The following BMPR1A variants were observed in gnomAD, a reference collection of about 807,000 sequenced individuals.
The protein encoded by BMPR1A is bone morphogenetic protein receptor type 1A.
BMPR1A carries 7 observed loss-of-function variants against 66.0 expected under a neutral mutation model. The ratio of observed to expected loss-of-function variants is 0.11; its 90% CI spans 0.06 to 0.20. The LOEUF is 0.20. Among genes scored for constraint, BMPR1A ranks in the 10% least tolerant of loss-of-function variants. The pLI is 1.00. For synonymous variants in BMPR1A, 200 were observed against 229.7 expected (o/e 0.87, Z 1.17); for missense variants, 408 against 669.1 (o/e 0.61, Z 4.31).
At chr10:86,843,556 C>G (rs1842450222) in intron 2 of BMPR1A, 1 of 152,162 alleles carries the variant, frequency 6.6e-6, no homozygotes, top group Non-Finnish European at 1.5e-5. Flanking sequence ...CATTGCCATG[C>G]AAAAGTGAGG....
chr10:86,888,146 A>G (rs1246734822), intron 3 of BMPR1A, among the ~76,000 whole-genome samples: 2 of 142,700 alleles, frequency 1.4e-5, no homozygotes, highest in Non-Finnish European at 3.0e-5. Context: ...ACAAACTTCC[A>G]GCTTTTTTTT....
rs140895776 is a variant in BMPR1A, at chr10:86,797,859, A to G, written c.-268+40940A>G. 1.2e-3 allele frequency among the ~76,000 whole-genome samples: 183 copies of G among 152,158 alleles called. 1 individual carries two copies. The highest frequency in any genetic ancestry group is 4.3e-3 in the African/African-American group (177 of 41,542). On this transcript the variant is annotated intron_variant, in intron 1 of 12. Coordinates refer to ENST00000372037, the MANE Select transcript of BMPR1A (RefSeq NM_004329.3). The stretch of plus-strand genomic sequence containing the variant: ...GGAAGATGTTTGAAAGTGACTAGTG[A>G]GAATTGGGTTGGTTGCTGTAGGATA...
chr10:86,872,606 CTAT>C (rs1389184785), intron 2 of BMPR1A, among the ~76,000 whole-genome samples: 2 of 151,734 alleles, frequency 1.3e-5, no homozygotes, highest in Non-Finnish European at 2.9e-5. Context: ...TATGTGTTAG[CTAT>C]TATTTTATAT....
At chr10:86,907,323 AAAAG>A (rs2133507601) in intron 7 of BMPR1A, among the ~76,000 whole-genome samples, 1 of 152,370 alleles carries the variant, frequency 6.6e-6, no homozygotes, top group Admixed American at 6.5e-5. Flanking sequence ...GCCATTATCA[AAAAG>A]AAAACAAATG....
At chr10:86,831,609 A>C (rs1303255099) in intron 1 of BMPR1A, among the ~76,000 whole-genome samples, 3 of 152,212 alleles carry the variant, frequency 2.0e-5, no homozygotes, top group East Asian at 1.9e-4. Context: ...ACAAACAAAC[A>C]AAAAATTATC....
intron 1 of BMPR1A, among the ~76,000 whole-genome samples, chr10:86,785,257 G>T (rs1841498941): frequency 6.6e-6 from 1 of 152,198 alleles, no homozygotes; most frequent in South Asian, 2.1e-4. Context: ...AATGTTGCAT[G>T]TGTACTTGAG....
At position 86,921,568 on chromosome 10, in the gene BMPR1A, A is replaced by C. The variant is rs587781522; in HGVS notation, c.1215A>C (p.Lys405Asn). 10 of 1,614,014 alleles carry C rather than the reference A, an allele frequency of 6.2e-6. No individual in the cohort carries two copies. The highest frequency in any genetic ancestry group is 8.5e-6 in the Non-Finnish European group (10 of 1,180,020). Residue 405 changes from lysine to asparagine, a missense_variant, in exon 11 of 13, where the codon AAA (lysine) becomes AAC (asparagine). Around this residue, in one of 5 missense-constraint regions of BMPR1A, gnomAD observed 130 missense variants for 257.3 expected, o/e 0.51. Transcript: ENST00000372037. ...CCTTGAATACCAGGGTGGGCACCAA[A>C]CGCTACATGGCTCCCGAAGTGCTGG... The part of the protein sequence containing the change: ...DVPLNTRVGT[K>N]RYMAPEVLDE...
intron 5 of BMPR1A, among the ~76,000 whole-genome samples, chr10:86,897,223 T>G (rs1196626820): frequency 6.6e-6 from 1 of 152,252 alleles, no homozygotes; most frequent in Non-Finnish European, 1.5e-5. Flanking sequence ...CAGTGCCAAG[T>G]AAATTTGTTT....
rs553542695 is a variant in BMPR1A, at chr10:86,827,881, C to T, written c.-267-10984C>T. On this transcript the variant is annotated intron_variant, in intron 1 of 12. Coordinates refer to ENST00000372037, the MANE Select transcript of BMPR1A (RefSeq NM_004329.3). The stretch of plus-strand genomic sequence containing the variant: ...AAAGAAAAAAGTTGCAGGCCGGGCA[C>T]GGTGGTTTACACCTATAATCCCAGC... 1.5e-4 allele frequency among the ~76,000 whole-genome samples: 23 copies of T among 152,280 alleles called. No individual in the cohort carries two copies. The South Asian group carries it at 2.9e-3, about 19-fold the overall frequency.
intron 8 of BMPR1A, 63 bp downstream of exon 8, chr10:86,912,447 T>C: frequency 1.9e-6 from 3 of 1,561,392 alleles, no homozygotes; most frequent in South Asian, 2.2e-5. Context: ...CTCATGATGG[T>C]GGACAGTATA....
intron 1 of BMPR1A, among the ~76,000 whole-genome samples, chr10:86,828,684 T>G (rs925672413): frequency 3.3e-5 from 5 of 152,130 alleles, no homozygotes; most frequent in Admixed American, 3.3e-4. Flanking sequence ...AATTTAACTG[T>G]TTTATGTGGT....
In BMPR1A at chr10:86,876,067, A is replaced by C. The variant is rs778886055; in HGVS notation, c.49A>C (p.Ile17Leu). Residue 17 changes from isoleucine to leucine, a missense_variant, in exon 3 of 13, where the codon ATC becomes CTC. Ile to Leu is a conservative substitution (Grantham distance 5). Around this residue, in one of 5 missense-constraint regions of BMPR1A, gnomAD observed 68 missense variants for 83.0 expected, o/e 0.82. Transcript: ENST00000372037. ...YIRLLGAYLF[I>L]ISRVQGQNLD... ...CAGATTATTGGGAGCCTATTTGTTC[A>C]TCATTTCTCGTGTTCAAGGTAAATC... 9 of 1,611,544 alleles carry C rather than the reference A, an allele frequency of 5.6e-6. No individual in the cohort carries two copies. In the Admixed American group the frequency reaches 1.5e-4, roughly 27 times the overall value.
intron 2 of BMPR1A, among the ~76,000 whole-genome samples, chr10:86,851,747 G>A (rs1032695596): frequency 6.6e-6 from 1 of 152,198 alleles, no homozygotes; most frequent in African/African-American, 2.4e-5. Flanking sequence ...GCCTGTGAAG[G>A]GAGAGCGGCT....
intron 4 of BMPR1A, 50 bp downstream of exon 4, chr10:86,890,274 T>C (rs1465610007): frequency 6.3e-7 from 1 of 1,599,446 alleles, no homozygotes; most frequent in Non-Finnish European, 8.6e-7. Flanking sequence ...TAGAGTTGCA[T>C]TTAGTGCTAT....
downstream of BMPR1A, chr10:86,932,070 T>G (rs1398559495): frequency 6.6e-6 from 1 of 152,230 alleles, no homozygotes; most frequent in African/African-American, 2.4e-5. Flanking sequence ...TCACCCAGAT[T>G]CATAAACTGC....
intron 1 of BMPR1A, among the ~76,000 whole-genome samples, chr10:86,813,231 G>A (rs532140371): frequency 6.6e-6 from 1 of 152,296 alleles, no homozygotes; most frequent in South Asian, 2.1e-4. Flanking sequence ...TCTTCTGGTA[G>A]GCTTCTGAGT....
chr10:86,865,200 A>G (rs1328532045), intron 2 of BMPR1A, among the ~76,000 whole-genome samples: 1 of 152,130 alleles, frequency 6.6e-6, no homozygotes, highest in African/African-American at 2.4e-5. Context: ...AAAGAAGTGT[A>G]AATGGCCGGT....
chr10:86,794,196 A>C (rs902702837), intron 1 of BMPR1A, among the ~76,000 whole-genome samples: 1 of 152,120 alleles, frequency 6.6e-6, no homozygotes, highest in Non-Finnish European at 1.5e-5. Context: ...CTGCTACCAC[A>C]GTTGGTTTTT....
chr10:86,887,801 C>A (rs1026738688), intron 3 of BMPR1A, among the ~76,000 whole-genome samples: 2 of 152,172 alleles, frequency 1.3e-5, no homozygotes, highest in Non-Finnish European at 2.9e-5. Context: ...TGGTCAGGTT[C>A]CCTCACCTGT....
Sources: gnomAD v4.1 joint callset for allele counts (sites outside exome capture counted in the v4.1 genomes callset) on GRCh38, gnomAD v4.1.1 for gene constraint, gnomAD v4.1.1 regional missense constraint, MANE v1.5 for transcripts, NCBI Gene and HGNC (gene_info 2026-07-23, HGNC 2026-07-21) for gene names.